PITPNC1: variants seen among roughly 807,000 people sequenced by gnomAD.
PITPNC1 encodes phosphatidylinositol transfer protein cytoplasmic 1.
Under a neutral mutation model 44.7 loss-of-function variants are expected in PITPNC1, and 18 were observed. The ratio of observed to expected loss-of-function variants is 0.40; its 90% CI spans 0.28 to 0.60. The LOEUF is 0.60. PITPNC1 is among the 20% of genes least tolerant of loss of function. The pLI, the probability that PITPNC1 is intolerant of heterozygous loss-of-function variation, is 0.39. For synonymous variants in PITPNC1, 141 were observed against 149.6 expected (o/e 0.94, Z 0.42); for missense variants, 290 against 418.4 (o/e 0.69, Z 2.68).
intron 1 of PITPNC1, among the ~76,000 whole-genome samples, chr17:67,441,749 G>T (rs1427382250): frequency 2.0e-5 from 3 of 152,102 alleles, no homozygotes; most frequent in African/African-American, 7.2e-5. Context: ...GGTCTTAGTC[G>T]TCATTAATAG....
chr17:67,514,552 C>T (rs985673703), intron 1 of PITPNC1, among the ~76,000 whole-genome samples: 3 of 150,594 alleles, frequency 2.0e-5, no homozygotes, highest in East Asian at 2.0e-4. Flanking sequence ...AAGCCGGGTG[C>T]GGTGGCTTAT....
chr17:67,679,752 A>G (rs1257008514), intron 8 of PITPNC1, among the ~76,000 whole-genome samples: 1 of 152,188 alleles, frequency 6.6e-6, no homozygotes, highest in Non-Finnish European at 1.5e-5. Flanking sequence ...GTCTTTATCC[A>G]TGAGCCTTGG....
intron 1 of PITPNC1, among the ~76,000 whole-genome samples, chr17:67,503,941 A>G (rs571128802): frequency 6.6e-6 from 1 of 151,950 alleles, no homozygotes; most frequent in Non-Finnish European, 1.5e-5. Flanking sequence ...TTTTTGTTCT[A>G]TTCCCTTATT....
intron 4 of PITPNC1, among the ~76,000 whole-genome samples, chr17:67,558,512 G>C (rs2040867755): frequency 6.6e-6 from 1 of 151,916 alleles, no homozygotes; most frequent in South Asian, 2.1e-4. Flanking sequence ...TAAATCAGCA[G>C]TATCAATTCA....
chr17:67,582,038 A>AAAAAG (rs371119919), intron 5 of PITPNC1, among the ~76,000 whole-genome samples: 3 of 152,200 alleles, frequency 2.0e-5, no homozygotes, highest in Non-Finnish European at 1.5e-5. Flanking sequence ...TGTCTCAAAA[A>AAAAAG]AAAAGAAAAG....
intron 5 of PITPNC1, among the ~76,000 whole-genome samples, chr17:67,615,670 C>T (rs541174539): frequency 2.0e-5 from 3 of 152,236 alleles, no homozygotes; most frequent in African/African-American, 7.2e-5. Flanking sequence ...GTGAGTGTCT[C>T]CAGGTTCAAT....
At chr17:67,414,910 GCT>G (rs2038565201) in intron 1 of PITPNC1, among the ~76,000 whole-genome samples, 1 of 151,872 alleles carries the variant, frequency 6.6e-6, no homozygotes. Context: ...ACAGGGTCTT[GCT>G]CTGTCACCCA....
chr17:67,663,749 G>A (rs901615808), intron 6 of PITPNC1, among the ~76,000 whole-genome samples: 75 of 152,062 alleles, frequency 4.9e-4, no homozygotes, highest in Admixed American at 4.6e-3. Context: ...GAAATTTCTA[G>A]GATGCGGGTG....
chr17:67,497,337 G>A (rs2039966865), intron 1 of PITPNC1, among the ~76,000 whole-genome samples: 1 of 151,300 alleles, frequency 6.6e-6, no homozygotes, highest in Non-Finnish European at 1.5e-5. Context: ...CGAGTAGCTG[G>A]GATTAAAGCT....
At chr17:67,629,820 C>T (rs528255710) in intron 5 of PITPNC1, among the ~76,000 whole-genome samples, 16 of 152,292 alleles carry the variant, frequency 1.1e-4, no homozygotes, top group Admixed American at 3.3e-4. Flanking sequence ...CACTTGACTT[C>T]AAGTAGCAGT....
At chr17:67,558,622 G>A (rs2040869289) in intron 4 of PITPNC1, among the ~76,000 whole-genome samples, 1 of 152,108 alleles carries the variant, frequency 6.6e-6, no homozygotes, top group African/African-American at 2.4e-5. Flanking sequence ...GAGTAATACA[G>A]TTGGCGTATA....
At chr17:67,390,869 T>G (rs1304495204) in intron 1 of PITPNC1, among the ~76,000 whole-genome samples, 1 of 152,208 alleles carries the variant, frequency 6.6e-6, no homozygotes, top group African/African-American at 2.4e-5. Flanking sequence ...GTTGACTTAG[T>G]AATACTGAAG....
intron 5 of PITPNC1, among the ~76,000 whole-genome samples, chr17:67,607,021 T>C (rs560811842): frequency 6.6e-6 from 1 of 152,322 alleles, no homozygotes; most frequent in East Asian, 1.9e-4. Context: ...ATGTGCAGAA[T>C]GGAGCGTGTG....
chr17:67,673,384 C>T (rs1316552756), intron 7 of PITPNC1, among the ~76,000 whole-genome samples: 1 of 152,096 alleles, frequency 6.6e-6, no homozygotes, highest in African/African-American at 2.4e-5. Flanking sequence ...AACACATGAA[C>T]AGTATCTCAC....
At chr17:67,672,914 A>T (rs2042539036) in intron 7 of PITPNC1, among the ~76,000 whole-genome samples, 1 of 152,136 alleles carries the variant, frequency 6.6e-6, no homozygotes, top group East Asian at 1.9e-4. Context: ...AGTTAAGGGG[A>T]AAAAAATGTT....
At chr17:67,638,831 A>C (rs1198857475) in intron 6 of PITPNC1, 1 of 152,176 alleles carries the variant, frequency 6.6e-6, no homozygotes. Flanking sequence ...AAAATGGGCC[A>C]GGTGCAGTGG....
intron 8 of PITPNC1, among the ~76,000 whole-genome samples, chr17:67,678,002 C>CA (rs2042634776): frequency 6.6e-6 from 1 of 151,942 alleles, no homozygotes; most frequent in Non-Finnish European, 1.5e-5. Flanking sequence ...CACTTGAGCC[C>CA]AGGAATTCGA....
chr17:67,444,618 C>T (rs1226619156), intron 1 of PITPNC1, among the ~76,000 whole-genome samples: 1 of 152,070 alleles, frequency 6.6e-6, no homozygotes, highest in African/African-American at 2.4e-5. Context: ...GAAGGCTGGC[C>T]AGGCGCGGTG....
At chr17:67,601,801 G>A (rs1047045438) in intron 5 of PITPNC1, among the ~76,000 whole-genome samples, 5 of 151,876 alleles carry the variant, frequency 3.3e-5, no homozygotes, top group African/African-American at 7.3e-5. Flanking sequence ...GCCTGCCCCC[G>A]GGAAGCCAGA....
Sources: allele counts gnomAD v4.1 joint callset (sites outside exome capture counted in the v4.1 genomes callset), GRCh38; gene constraint gnomAD v4.1.1; transcripts MANE v1.5; gene names NCBI Gene and HGNC (gene_info 2026-07-23, HGNC 2026-07-21).